PRKACB: variants seen among roughly 807,000 people sequenced by gnomAD.
The protein encoded by PRKACB is cAMP-dependent protein kinase catalytic subunit beta.
Under a neutral mutation model 51.4 loss-of-function variants are expected in PRKACB, and 16 were observed. That is an observed-to-expected ratio of 0.31 (90% confidence interval 0.21 to 0.47). The LOEUF (loss-of-function observed/expected upper bound fraction) is 0.47, where lower values mean the gene tolerates loss of function less well. PRKACB is among the 20% of genes least tolerant of loss of function. The probability of loss-of-function intolerance (pLI) is 1.00; values close to 1 mark genes in which losing one functional copy is unlikely to be tolerated. For synonymous variants in PRKACB, 147 were observed against 154.4 expected, an observed-to-expected ratio of 0.95 and a Z score of 0.35; for missense variants, 309 against 464.5, an observed-to-expected ratio of 0.67 and a Z score of 3.08.
chr1:84,117,720 T>C (rs1032679678), intron 1 of PRKACB, among the ~76,000 whole-genome samples: 3 of 152,208 alleles, frequency 2.0e-5, no homozygotes, highest in African/African-American at 4.8e-5. Flanking sequence ...TTTATCAATT[T>C]TGTTTGTCTT....
intron 1 of PRKACB, among the ~76,000 whole-genome samples, chr1:84,080,923 T>C (rs1219173804): frequency 6.6e-6 from 1 of 150,944 alleles, no homozygotes; most frequent in African/African-American, 2.5e-5. Flanking sequence ...CCAAATGTTT[T>C]AGTTTCAATT....
chr1:84,151,552 T>G (rs1296642885), intron 1 of PRKACB, among the ~76,000 whole-genome samples: 1 of 152,230 alleles, frequency 6.6e-6, no homozygotes, highest in African/African-American at 2.4e-5. Context: ...TCTTTTAAAA[T>G]TGGAGTCAGT....
chr1:84,129,145 A>G (rs934910204), intron 1 of PRKACB, among the ~76,000 whole-genome samples: 2 of 152,162 alleles, frequency 1.3e-5, no homozygotes, highest in African/African-American at 4.8e-5. Context: ...ATAAATTTCC[A>G]TATCTCTTTT....
At chr1:84,132,979 TGTTACAAAATC>T (rs1208038893) in intron 1 of PRKACB, among the ~76,000 whole-genome samples, 1 of 152,042 alleles carries the variant, frequency 6.6e-6, no homozygotes, top group African/African-American at 2.4e-5. Flanking sequence ...TGGCCAAGAA[TGTTACAAAATC>T]AATGACAGAC....
intron 1 of PRKACB, chr1:84,173,455 T>C: frequency 9.9e-7 from 1 of 1,008,628 alleles, no homozygotes; most frequent in Non-Finnish European, 1.5e-6. Flanking sequence ...TTGTGTTGAG[T>C]TTTTACAATT....
chr1:84,183,388 A>G (rs1664145719), intron 3 of PRKACB, among the ~76,000 whole-genome samples: 1 of 151,898 alleles, frequency 6.6e-6, no homozygotes, highest in South Asian at 2.1e-4. Context: ...AGTTTTTGTT[A>G]TAAAGATAGT....
At chr1:84,152,231 G>C (rs954174307) in intron 1 of PRKACB, among the ~76,000 whole-genome samples, 7 of 152,124 alleles carry the variant, frequency 4.6e-5, no homozygotes, top group Non-Finnish European at 1.0e-4. Flanking sequence ...AAACAATGCT[G>C]CAAACAGATA....
chr1:84,217,572 A>G (rs1173151468), intron 9 of PRKACB, among the ~76,000 whole-genome samples: 2 of 151,152 alleles, frequency 1.3e-5, no homozygotes, highest in African/African-American at 2.4e-5. Flanking sequence ...CAGTGGGAAG[A>G]TCACTTGAGC....
chr1:84,127,477 A>C (rs1651723574), intron 1 of PRKACB, among the ~76,000 whole-genome samples: 1 of 152,220 alleles, frequency 6.6e-6, no homozygotes, highest in South Asian at 2.1e-4. Context: ...ATCTTTCCAG[A>C]AAAGAAGTAT....
chr1:84,185,563 A>G (rs544459632), intron 5 of PRKACB, among the ~76,000 whole-genome samples: 4 of 151,930 alleles, frequency 2.6e-5, no homozygotes, highest in South Asian at 4.1e-4. Context: ...ATAAATATAT[A>G]GAGAAATAAT....
At chr1:84,175,191 G>T in intron 1 of PRKACB, 1 of 884,142 alleles carries the variant, frequency 1.1e-6, no homozygotes, top group Admixed American at 4.3e-5. Flanking sequence ...ATTGATGAAG[G>T]AAATAGTTTG....
At chr1:84,189,045 T>C (rs982816769) in intron 5 of PRKACB, among the ~76,000 whole-genome samples, 3 of 151,978 alleles carry the variant, frequency 2.0e-5, no homozygotes, top group Non-Finnish European at 4.4e-5. Context: ...GGATATTATC[T>C]TGATAAAATA....
At chr1:84,129,087 A>G (rs995993362) in intron 1 of PRKACB, among the ~76,000 whole-genome samples, 12 of 152,196 alleles carry the variant, frequency 7.9e-5, no homozygotes, top group South Asian at 2.1e-4. Flanking sequence ...AATGTACAGC[A>G]TATGTTTTGA....
chr1:84,190,924 C>A (rs1219339418), intron 5 of PRKACB, among the ~76,000 whole-genome samples: 1 of 151,740 alleles, frequency 6.6e-6, no homozygotes, highest in East Asian at 1.9e-4. Flanking sequence ...TGTGAGTGTC[C>A]TTATAGGTGA....
Position 84,182,184 on chromosome 1 carries a change from A to G in PRKACB, c.250-16A>G, listed in dbSNP as rs762106128. On this transcript the variant is annotated splice_polypyrimidine_tract_variant and intron_variant, in intron 2 of 9. Transcript: ENST00000370685. ...TTTACGAGAATTTTAAATTTTATTT[A>G]TGTATTTACATATAGAATAATGCCG... 6.8e-7 allele frequency: 1 copy of G among 1,479,298 alleles called. No individual in the cohort carries two copies. The highest frequency in any genetic ancestry group is 1.4e-5 in the South Asian group (1 of 73,430). 91.6% of individuals were successfully genotyped at this position (1,479,298 alleles called of 1,614,324 possible).
intron 1 of PRKACB, among the ~76,000 whole-genome samples, chr1:84,138,479 A>G (rs2100579031): frequency 6.6e-6 from 1 of 152,334 alleles, no homozygotes; most frequent in African/African-American, 2.4e-5. Flanking sequence ...GATGAAATTG[A>G]TAACTCAGTA....
intron 1 of PRKACB, 30 bp downstream of exon 1, chr1:84,144,578 TA>T: frequency 6.5e-7 from 1 of 1,526,830 alleles, no homozygotes; most frequent in Non-Finnish European, 8.8e-7. Flanking sequence ...TGATACATTA[TA>T]ACTAGCAACT....
chr1:84,149,833 A>G (rs1654604638), intron 1 of PRKACB, among the ~76,000 whole-genome samples: 1 of 152,154 alleles, frequency 6.6e-6, no homozygotes, highest in South Asian at 2.1e-4. Flanking sequence ...AGGCTTTTGC[A>G]TTAAATTAAT....
intron 7 of PRKACB, among the ~76,000 whole-genome samples, chr1:84,200,127 G>T (rs1418873977): frequency 1.3e-5 from 2 of 150,362 alleles, no homozygotes; most frequent in Non-Finnish European, 3.0e-5. Flanking sequence ...GATTACAGGG[G>T]TGAGCCACTA....
Sources: gnomAD v4.1 joint callset for allele counts (sites outside exome capture counted in the v4.1 genomes callset) on GRCh38, gnomAD v4.1.1 for gene constraint, MANE v1.5 for transcripts, NCBI Gene and HGNC (gene_info 2026-07-23, HGNC 2026-07-21) for gene names.